CIRSR: variants seen among roughly 807,000 people sequenced by gnomAD.
CIRSR encodes the protein CBF1 (RBPJ) interacting corepressor 1.
At chr2:174,386,478 G>A in the CIRSR span, among the ~76,000 whole-genome samples, 1 of 151,478 alleles carries the variant, frequency 6.6e-6, no homozygotes, top group Admixed American at 6.5e-5. Flanking sequence ...CACTGCGCCC[G>A]ACCAAATTAG....
chr2:174,376,750 A>G, the CIRSR span, among the ~76,000 whole-genome samples: 1 of 146,754 alleles, frequency 6.8e-6, no homozygotes, highest in African/African-American at 2.5e-5. Flanking sequence ...GTGAGCCAAG[A>G]TCGTGCCACC....
the CIRSR span, chr2:174,349,163 A>G: frequency 1.4e-6 from 2 of 1,439,714 alleles, no homozygotes; most frequent in Admixed American, 2.9e-5. Flanking sequence ...TCTCCAGTCG[A>G]TCTAATTTCC....
the CIRSR span, among the ~76,000 whole-genome samples, chr2:174,386,179 TTTG>T: frequency 4.8e-3 from 724 of 152,228 alleles, 7 homozygotes; most frequent in African/African-American, 0.016. Context: ...AAATAAGGTT[TTTG>T]TTGTTGTTGT....
chr2:174,356,756 T>C, the CIRSR span, among the ~76,000 whole-genome samples: 1 of 152,182 alleles, frequency 6.6e-6, no homozygotes, highest in African/African-American at 2.4e-5. Context: ...AAAGTGAATA[T>C]AGTTTTGCTT....
chr2:174,378,704 G>A, the CIRSR span: 1 of 524,056 alleles, frequency 1.9e-6, no homozygotes. Flanking sequence ...GCCTTTGGCT[G>A]GAAAAATTAA....
At chr2:174,363,966 C>T in the CIRSR span, among the ~76,000 whole-genome samples, 3 of 152,156 alleles carry the variant, frequency 2.0e-5, no homozygotes, top group Admixed American at 6.5e-5. Flanking sequence ...CCCAACAGTC[C>T]CCCGAAGGCC....
chr2:174,371,678 A>G, the CIRSR span, among the ~76,000 whole-genome samples: 1 of 152,244 alleles, frequency 6.6e-6, no homozygotes, highest in African/African-American at 2.4e-5. Context: ...GTCTCTGTAA[A>G]CCTCACAGCT....
the CIRSR span, chr2:174,387,713 G>C: frequency 1.9e-6 from 3 of 1,595,654 alleles, no homozygotes; most frequent in African/African-American, 4.1e-5. Flanking sequence ...TGTTCTTTAA[G>C]ATATTGCTGC....
the CIRSR span, chr2:174,395,673 A>G: frequency 4.3e-6 from 7 of 1,613,738 alleles, no homozygotes; most frequent in African/African-American, 8.0e-5. Context: ...AGCAACGTAA[A>G]CAAACTCAGC....
chr2:174,380,955 T>C, the CIRSR span: 1 of 634,806 alleles, frequency 1.6e-6, no homozygotes, highest in Non-Finnish European at 2.5e-6. Flanking sequence ...TTTTTTCTTC[T>C]TTCACATGAT....
At chr2:174,391,744 C>T in the CIRSR span, among the ~76,000 whole-genome samples, 4 of 152,024 alleles carry the variant, frequency 2.6e-5, no homozygotes, top group Non-Finnish European at 5.9e-5. Flanking sequence ...ACAATTCTAT[C>T]GAAATAACTT....
At chr2:174,360,136 C>T in the CIRSR span, among the ~76,000 whole-genome samples, 2 of 152,302 alleles carry the variant, frequency 1.3e-5, no homozygotes, top group African/African-American at 4.8e-5. Context: ...GCGCAGCAAA[C>T]CAACATGGCA....
the CIRSR span, among the ~76,000 whole-genome samples, chr2:174,376,725 G>C: frequency 6.6e-6 from 1 of 150,446 alleles, no homozygotes; most frequent in Non-Finnish European, 1.5e-5. Context: ...ATGAACCTGG[G>C]AGGCGGAGCT....
the CIRSR span, among the ~76,000 whole-genome samples, chr2:174,367,123 T>C: frequency 6.6e-6 from 1 of 152,196 alleles, no homozygotes; most frequent in Non-Finnish European, 1.5e-5. Flanking sequence ...CAATCATTGC[T>C]TTTGATAAGA....
chr2:174,375,601 C>T, the CIRSR span, among the ~76,000 whole-genome samples: 1 of 152,044 alleles, frequency 6.6e-6, no homozygotes, highest in African/African-American at 2.4e-5. Context: ...CAGGATGACA[C>T]CGTCTCAAAA....
the CIRSR span, chr2:174,395,685 G>C: frequency 6.2e-7 from 1 of 1,613,094 alleles, no homozygotes; most frequent in Admixed American, 1.7e-5. Context: ...AAACTCAGCC[G>C]CCTAACCGGA....
At chr2:174,354,747 G>A in the CIRSR span, among the ~76,000 whole-genome samples, 9 of 94,516 alleles carry the variant, frequency 9.5e-5, no homozygotes, top group Admixed American at 5.6e-4. Flanking sequence ...TTTTACATAT[G>A]TATATATATT....
chr2:174,356,504 AAGGGAAGG>A, the CIRSR span, among the ~76,000 whole-genome samples: 2 of 116,136 alleles, frequency 1.7e-5, no homozygotes, highest in Non-Finnish European at 4.1e-5. Context: ...GGGAAGGAAG[AAGGGAAGG>A]AAGAAAGAAA....
chr2:174,375,834 G>A, the CIRSR span, among the ~76,000 whole-genome samples: 9 of 151,936 alleles, frequency 5.9e-5, no homozygotes, highest in South Asian at 2.1e-4. Context: ...TTATGTTTGC[G>A]TGTTCATCTT....
Sources: allele counts gnomAD v4.1 joint callset (sites outside exome capture counted in the v4.1 genomes callset), GRCh38; gene constraint gnomAD v4.1.1; transcripts MANE v1.5; gene names NCBI Gene and HGNC (gene_info 2026-07-23, HGNC 2026-07-21).